Variants in CLUAP1 observed in about 807,000 individuals in gnomAD.
CLUAP1 encodes the protein intraflagellar transport 38.
Under a neutral mutation model 55.0 loss-of-function variants are expected in CLUAP1, and 50 were observed. The ratio of observed to expected loss-of-function variants is 0.91; its 90% CI spans 0.72 to 1.15. The LOEUF is 1.15. Among genes scored for constraint, CLUAP1 ranks in the 50% most tolerant of loss-of-function variants. The probability of loss-of-function intolerance (pLI) is 0.00; values close to 1 mark genes in which losing one functional copy is unlikely to be tolerated. For missense variants in CLUAP1, 530 were observed against 507.6 expected, an observed-to-expected ratio of 1.04 and a Z score of -0.42; for synonymous variants, 195 against 175.4, an observed-to-expected ratio of 1.11 and a Z score of -0.88.
intron 6 of CLUAP1, among the ~76,000 whole-genome samples, chr16:3,516,985 T>C (rs1048271745): frequency 6.6e-6 from 1 of 152,150 alleles, no homozygotes; most frequent in Non-Finnish European, 1.5e-5. Flanking sequence ...TAAGTTAGAA[T>C]AATTAATTTT....
At chr16:3,531,441 G>T (rs560505246) in intron 10 of CLUAP1, among the ~76,000 whole-genome samples, 42 of 151,972 alleles carry the variant, frequency 2.8e-4, no homozygotes, top group Middle Eastern at 6.8e-3. Context: ...AGAATGGTGT[G>T]AACCCAGGAG....
Position 3,536,348 on chromosome 16 carries a change from T to TAACC in CLUAP1, c.*78_*81dup, listed in dbSNP as rs1164206162. 2 of 1,513,982 alleles carry TAACC rather than the reference T, an allele frequency of 1.3e-6. No homozygotes were observed. The highest frequency in any genetic ancestry group is 9.0e-7 in the Non-Finnish European group (1 of 1,111,532). The allele number at this position is 1,513,982 out of a possible 1,614,324, so 93.8% of individuals were successfully genotyped here. A position where few individuals can be genotyped will look rare whatever the true frequency, so the allele number is the denominator to read the frequency against. On this transcript the variant is annotated 3_prime_UTR_variant, in exon 12 of 12. Transcript: ENST00000576634. ...ATGGGAACTTAGAAGGTTAGGAAGG[T>TAACC]AACCCCTGTTTTGTTTACTAAGCTG...
intron 9 of CLUAP1, among the ~76,000 whole-genome samples, chr16:3,529,626 T>A (rs1296766559): frequency 5.4e-5 from 1 of 18,536 alleles, no homozygotes; most frequent in African/African-American, 2.9e-4. Flanking sequence ...ATATTATATA[T>A]TATATATTAT....
At position 3,505,869 on chromosome 16, in the gene CLUAP1, C is replaced by G. The variant is rs76704990; in HGVS notation, c.135-462C>G. Reference sequence around the variant, plus strand: ...AATTCATAAGATCTCTATTGCGTCTCTTCTTTTTGTTAAAATGTAAAAACA... The same window carrying G: ...AATTCATAAGATCTCTATTGCGTCTGTTCTTTTTGTTAAAATGTAAAAACA... On this transcript the variant is annotated intron_variant, in intron 2 of 11. Transcript: ENST00000576634. 4.0e-3 allele frequency among the ~76,000 whole-genome samples: 606 copies of G among 152,312 alleles called. 7 individuals are homozygous for G. The highest frequency in any genetic ancestry group is 0.014 in the African/African-American group (578 of 41,558).
In CLUAP1 at chr16:3,523,307, G is replaced by C. The variant is rs746068967; in HGVS notation, c.855+8G>C. ...GAGCAAGAAAGGTTTGAGGTGAGCTGAGCCTGTCCTCTGTTCAGCCATTCC... is the reference window on the plus strand; with the variant it reads ...GAGCAAGAAAGGTTTGAGGTGAGCTCAGCCTGTCCTCTGTTCAGCCATTCC... On this transcript the variant is annotated splice_region_variant and intron_variant, in intron 8 of 11. Coordinates refer to ENST00000576634, the MANE Select transcript of CLUAP1 (RefSeq NM_015041.3). 6.2e-7 allele frequency: 1 copy of C among 1,606,470 alleles called. No individual in the cohort carries two copies. Among genetic ancestry groups the C allele is most frequent in the South Asian group, 1.1e-5 (1 of 89,226 alleles).
intron 1 of CLUAP1, among the ~76,000 whole-genome samples, chr16:3,502,855 G>C (rs1257750059): frequency 6.6e-6 from 1 of 152,260 alleles, no homozygotes; most frequent in Non-Finnish European, 1.5e-5. Context: ...GCAGTGTATG[G>C]TAAGGATCTT....
chr16:3,501,109 C>T lies in CLUAP1; in HGVS notation c.22+20C>T, dbSNP rs754494832. 1.3e-6 allele frequency: 2 copies of T among 1,582,960 alleles called. No individual in the cohort carries two copies. The highest frequency in any genetic ancestry group is 1.7e-5 in the Admixed American group (1 of 57,950). On this transcript the variant is annotated intron_variant, in intron 1 of 11. Coordinates refer to ENST00000576634, the MANE Select transcript of CLUAP1 (RefSeq NM_015041.3). ...TCCGCAGTAAGGCAGCCCCGCGCCC[C>T]TGTGACCTGCGGGTCTTCCAGAGAT...
chr16:3,500,990 A>AGAGATCGTCGAGCGCTGGGCCT, upstream of CLUAP1: 1 of 1,434,356 alleles, frequency 7.0e-7, no homozygotes, highest in Non-Finnish European at 9.6e-7. Context: ...TGGTTGCCAT[A>AGAGATCGTCGAGCGCTGGGCCT]GAGATCGTCG....
upstream of CLUAP1, among the ~76,000 whole-genome samples, chr16:3,497,160 C>T (rs571339957): frequency 6.6e-6 from 1 of 151,618 alleles, no homozygotes; most frequent in African/African-American, 2.4e-5. Flanking sequence ...CATGACCCAC[C>T]GCGCCCAGCA....
chr16:3,538,232 A>G lies in CLUAP1; in HGVS notation c.*1961A>G, dbSNP rs554519725. On this transcript the variant is annotated 3_prime_UTR_variant, in exon 12 of 12. Transcript: ENST00000576634. The stretch of plus-strand genomic sequence containing the variant: ...AGTTCACAGGTACGAAAAGATACAC[A>G]TAAATTTTAGGAACTTTTGAGTTAT... 4.6e-5 allele frequency: 7 copies of G among 152,136 alleles called. No homozygotes were observed. Among genetic ancestry groups the G allele is most frequent in the Middle Eastern group, 3.4e-3 (1 of 294 alleles). 9.4% of individuals were successfully genotyped at this position (152,136 alleles called of 1,614,324 possible).
At chr16:3,505,212 C>T (rs1411330843) in intron 2 of CLUAP1, among the ~76,000 whole-genome samples, 2 of 151,952 alleles carry the variant, frequency 1.3e-5, no homozygotes, top group African/African-American at 2.4e-5. Context: ...CACACCAGCC[C>T]GGGCAGATTG....
At chr16:3,535,970 A>G in intron 11 of CLUAP1, 152 bp from the exon 12 acceptor site, 1 of 801,452 alleles carries the variant, frequency 1.2e-6, no homozygotes, top group Non-Finnish European at 1.9e-6. Context: ...CCTCAGTCCC[A>G]TCTGTATGCC....
rs903691202 is a variant in CLUAP1 at position 3,522,866 on chromosome 16, G to A, written c.714-292G>A. ...GAAGGATGTATGTCAACTATCAAGC[G>A]CTTATACCTGGTGATGGGATTATCA... On this transcript the variant is annotated intron_variant, in intron 7 of 11. Transcript: ENST00000576634. Among the ~76,000 whole-genome samples, 11 of 152,036 alleles carry A rather than the reference G, an allele frequency of 7.2e-5. No homozygotes were observed. In the South Asian group the frequency reaches 8.3e-4, roughly 11 times the overall value.
intron 11 of CLUAP1, chr16:3,533,463 G>C (rs992824207): frequency 1.0e-5 from 4 of 394,820 alleles, no homozygotes; most frequent in South Asian, 9.2e-5. Context: ...TGCTGGGGAC[G>C]GAATGGTGAA....
rs769791977 is a variant in CLUAP1 at position 3,523,293 on chromosome 16, G to A, written c.849G>A (p.Arg283=). 1 of 1,611,464 alleles carries A rather than the reference G, an allele frequency of 6.2e-7. No homozygotes were observed. The highest frequency in any genetic ancestry group is 1.1e-5 in the South Asian group (1 of 90,388). ...LEDHHRMEQE[R]FEEAKNTLCL... ...ACCATCATAGGATGGAGCAAGAAAG[G>A]TTTGAGGTGAGCTGAGCCTGTCCTC... Residue 283 remains arginine (R), a synonymous_variant, in exon 8 of 12, where the codon AGG becomes AGA. Transcript: ENST00000576634.
At chr16:3,500,895 C>G (rs1301765005), upstream of CLUAP1, 3 of 682,936 alleles carry the variant, frequency 4.4e-6, no homozygotes, top group African/African-American at 1.8e-5. Context: ...TCTGCCGGCC[C>G]GCTCTCCCCG....
chr16:3,508,150 G>A, intron 3 of CLUAP1, 139 bp from the exon 4 acceptor site: 4 of 678,104 alleles, frequency 5.9e-6, no homozygotes, highest in Non-Finnish European at 7.3e-6. Context: ...CACAATGTTT[G>A]AGTCACTTGA....
At chr16:3,535,154 CCA>C in intron 11 of CLUAP1, 1 of 152,502 alleles carries the variant, frequency 6.6e-6, no homozygotes, top group South Asian at 2.1e-4. Context: ...AGGGGTGATT[CCA>C]CAGCTCAAGC....
intron 6 of CLUAP1, among the ~76,000 whole-genome samples, chr16:3,519,298 G>A (rs910773121): frequency 2.6e-5 from 4 of 152,234 alleles, no homozygotes; most frequent in African/African-American, 9.6e-5. Flanking sequence ...CACCAGTGTG[G>A]CCATTGCCAC....
Sources: allele counts gnomAD v4.1 joint callset (sites outside exome capture counted in the v4.1 genomes callset), GRCh38; gene constraint gnomAD v4.1.1; transcripts MANE v1.5; gene names NCBI Gene and HGNC (gene_info 2026-07-23, HGNC 2026-07-21).